Variants in SLC24A3 observed in about 807,000 individuals in gnomAD.
The protein encoded by SLC24A3 is sodium/potassium/calcium exchanger 3.
A neutral mutation model predicts 75.8 loss-of-function variants in SLC24A3; 28 were observed. The observed-to-expected ratio is 0.37, with a 90% confidence interval of 0.27 to 0.51. The LOEUF (loss-of-function observed/expected upper bound fraction) is 0.51, where lower values mean the gene tolerates loss of function less well. Ranked by LOEUF, SLC24A3 falls within the 20% of genes least tolerant of loss-of-function variation. The pLI, the probability that SLC24A3 is intolerant of heterozygous loss-of-function variation, is 0.94. For synonymous variants in SLC24A3, 372 were observed against 334.1 expected (o/e 1.11, Z -1.24); for missense variants, 663 against 847.8 (o/e 0.78, Z 2.71).
At chr20:19,648,170 A>G (rs1238600500) in intron 6 of SLC24A3, among the ~76,000 whole-genome samples, 7 of 152,148 alleles carry the variant, frequency 4.6e-5, no homozygotes, top group Non-Finnish European at 1.0e-4. Flanking sequence ...GTGGGAGGAA[A>G]AACCCACATC....
intron 3 of SLC24A3, among the ~76,000 whole-genome samples, chr20:19,555,456 C>A (rs78862980): frequency 1.4e-4 from 21 of 152,102 alleles, no homozygotes; most frequent in African/African-American, 4.3e-4. Flanking sequence ...CCATTAGTCT[C>A]GACAATGGGA....
intron 10 of SLC24A3, 114 bp downstream of exon 10, chr20:19,682,105 A>G (rs1462315551): frequency 8.3e-7 from 1 of 1,211,858 alleles, no homozygotes; most frequent in East Asian, 2.5e-5. Flanking sequence ...ATACAACAAA[A>G]TTAACCAGGA....
chr20:19,654,237 C>A, intron 7 of SLC24A3, 101 bp downstream of exon 7: 1 of 1,041,862 alleles, frequency 9.6e-7, no homozygotes, highest in Non-Finnish European at 1.5e-6. Context: ...TCACCGGTGG[C>A]GAGTGCGAGA....
At chr20:19,466,752 G>T (rs1476203512) in intron 2 of SLC24A3, among the ~76,000 whole-genome samples, 1 of 148,688 alleles carries the variant, frequency 6.7e-6, no homozygotes, top group Non-Finnish European at 1.5e-5. Flanking sequence ...GCCAAGACCG[G>T]TGTCTATTTA....
At chr20:19,336,705 C>G (rs1348166986) in intron 2 of SLC24A3, among the ~76,000 whole-genome samples, 1 of 128,616 alleles carries the variant, frequency 7.8e-6, no homozygotes, top group African/African-American at 2.9e-5. Flanking sequence ...CCCCCACCCC[C>G]CACCCCCTCC....
At chr20:19,571,491 GA>G (rs1176841708) in intron 3 of SLC24A3, among the ~76,000 whole-genome samples, 1 of 152,136 alleles carries the variant, frequency 6.6e-6, no homozygotes, top group African/African-American at 2.4e-5. Flanking sequence ...ACAAAGGGGG[GA>G]AAGTAGAATA....
At chr20:19,672,623 C>T (rs1219614543) in intron 8 of SLC24A3, among the ~76,000 whole-genome samples, 3 of 152,162 alleles carry the variant, frequency 2.0e-5, no homozygotes, top group Non-Finnish European at 2.9e-5. Flanking sequence ...AGGAGCGGGT[C>T]ACTGTGCCCA....
chr20:19,683,412 G>A (rs1402970188), intron 10 of SLC24A3, among the ~76,000 whole-genome samples: 1 of 152,194 alleles, frequency 6.6e-6, no homozygotes, highest in Non-Finnish European at 1.5e-5. Context: ...TAGAGAGGGA[G>A]CTGGACCCTT....
intron 3 of SLC24A3, among the ~76,000 whole-genome samples, chr20:19,541,642 C>A (rs2030499416): frequency 6.6e-6 from 1 of 152,186 alleles, no homozygotes; most frequent in South Asian, 2.1e-4. Flanking sequence ...CCTATCAAAG[C>A]CATTGCTAGA....
chr20:19,567,498 C>T (rs894433921), intron 3 of SLC24A3, among the ~76,000 whole-genome samples: 3 of 152,072 alleles, frequency 2.0e-5, no homozygotes, highest in African/African-American at 7.2e-5. Flanking sequence ...GACACTGGGA[C>T]CTACTTGAGG....
intron 2 of SLC24A3, among the ~76,000 whole-genome samples, chr20:19,467,264 G>C (rs1987781876): frequency 1.3e-5 from 2 of 152,330 alleles, no homozygotes; most frequent in Admixed American, 1.3e-4. Flanking sequence ...ATTTGAGAAT[G>C]AAAGAGAATG....
chr20:19,568,580 G>C (rs1388857715), intron 3 of SLC24A3, among the ~76,000 whole-genome samples: 1 of 152,142 alleles, frequency 6.6e-6, no homozygotes, highest in Non-Finnish European at 1.5e-5. Flanking sequence ...AAAGGAGAAT[G>C]ATGGTTACCA....
chr20:19,240,221 A>G (rs556399507), intron 1 of SLC24A3, among the ~76,000 whole-genome samples: 6 of 152,316 alleles, frequency 3.9e-5, no homozygotes, highest in African/African-American at 1.4e-4. Context: ...TGCTGTGACT[A>G]CTAGAGTTTA....
chr20:19,251,073 C>T (rs970634161), intron 1 of SLC24A3, among the ~76,000 whole-genome samples: 1 of 152,206 alleles, frequency 6.6e-6, no homozygotes, highest in African/African-American at 2.4e-5. Context: ...CCATTACAGA[C>T]ATCACTAATT....
At chr20:19,340,362 T>G (rs1244905374) in intron 2 of SLC24A3, among the ~76,000 whole-genome samples, 1 of 152,152 alleles carries the variant, frequency 6.6e-6, no homozygotes, top group Non-Finnish European at 1.5e-5. Context: ...GAGAGAGGCA[T>G]GAAACAAATT....
chr20:19,490,206 G>A (rs1988189967), intron 2 of SLC24A3, among the ~76,000 whole-genome samples: 1 of 152,156 alleles, frequency 6.6e-6, no homozygotes, highest in African/African-American at 2.4e-5. Flanking sequence ...GTAATGAGAT[G>A]GAAACCAATC....
intron 15 of SLC24A3, among the ~76,000 whole-genome samples, chr20:19,715,202 CAGTGT>C (rs1370192766): frequency 2.0e-5 from 3 of 152,214 alleles, no homozygotes; most frequent in Non-Finnish European, 4.4e-5. Context: ...TTATCATAGT[CAGTGT>C]GGACAGAATA....
At chr20:19,547,367 C>A (rs2122594680) in intron 3 of SLC24A3, among the ~76,000 whole-genome samples, 1 of 152,224 alleles carries the variant, frequency 6.6e-6, no homozygotes, top group Non-Finnish European at 1.5e-5. Flanking sequence ...CATTGGTGAC[C>A]TGAAGATGAG....
At chr20:19,565,999 A>C (rs1289393867) in intron 3 of SLC24A3, among the ~76,000 whole-genome samples, 2 of 152,240 alleles carry the variant, frequency 1.3e-5, no homozygotes. Context: ...CATATCAAGC[A>C]CTGAGCCCAG....
Sources: allele counts gnomAD v4.1 joint callset (sites outside exome capture counted in the v4.1 genomes callset), GRCh38; gene constraint gnomAD v4.1.1; transcripts MANE v1.5; gene names NCBI Gene and HGNC (gene_info 2026-07-23, HGNC 2026-07-21).